The following GPSM2 variants were observed in gnomAD, a reference collection of about 807,000 sequenced individuals.
GPSM2 encodes the protein G protein-signaling modulator 2.
Under a neutral mutation model 78.4 loss-of-function variants are expected in GPSM2, and 58 were observed. The observed-to-expected ratio is 0.74, with a 90% CI of 0.60 to 0.92. The LOEUF is 0.92. Ranked by LOEUF, GPSM2 falls within the 40% of genes least tolerant of loss-of-function variation. GPSM2 has a pLI of 0.00. For synonymous variants in GPSM2, 224 were observed against 280.2 expected (o/e 0.80, Z 2.00); for missense variants, 700 against 815.5 (o/e 0.86, Z 1.73).
In GPSM2 at chr1:108,924,200, C is replaced by T; in HGVS notation, c.1801C>T (p.Leu601Phe). 2 of 1,606,916 alleles carry T rather than the reference C, an allele frequency of 1.2e-6. No individual in the cohort carries two copies. The highest frequency in any genetic ancestry group is 8.5e-7 in the Non-Finnish European group (1 of 1,173,520). Reference protein sequence around the residue: ...KEADEDFFDILVKCQGSRLDD... With the variant: ...KEADEDFFDIFVKCQGSRLDD... ...GGCTGATGAAGATTTCTTTGACATC[C>T]TTGTAAAATGTCAAGTATGTCTGTA... is the stretch of plus-strand genomic sequence containing the variant. Residue 601 changes from leucine (L) to phenylalanine (F), a missense_variant, in exon 14 of 15, where the codon CTT becomes TTT. Transcript: ENST00000264126.
chr1:108,913,486 G>A (rs1207483642), intron 10 of GPSM2, among the ~76,000 whole-genome samples: 1 of 152,052 alleles, frequency 6.6e-6, no homozygotes, highest in East Asian at 1.9e-4. Context: ...ACAAACATAA[G>A]GTTTCTCAAA....
chr1:108,893,779 G>A (rs1464196000), intron 2 of GPSM2, among the ~76,000 whole-genome samples: 4 of 152,148 alleles, frequency 2.6e-5, no homozygotes, highest in South Asian at 2.1e-4. Flanking sequence ...TTTTGACTGG[G>A]CACAGTGGCT....
intron 1 of GPSM2, among the ~76,000 whole-genome samples, chr1:108,883,186 T>G (rs1325901816): frequency 6.6e-6 from 1 of 152,254 alleles, no homozygotes; most frequent in African/African-American, 2.4e-5. Flanking sequence ...TGTGAAAACC[T>G]CATTTCCTCT....
At chr1:108,915,918 A>G (rs1650181730) in intron 11 of GPSM2, among the ~76,000 whole-genome samples, 1 of 152,002 alleles carries the variant, frequency 6.6e-6, no homozygotes, top group Non-Finnish European at 1.5e-5. Context: ...TATTATAGAC[A>G]CTATTTTCTA....
At chr1:108,893,652 C>A (rs1364824377) in intron 2 of GPSM2, among the ~76,000 whole-genome samples, 4 of 152,192 alleles carry the variant, frequency 2.6e-5, no homozygotes, top group East Asian at 3.9e-4. Flanking sequence ...ATAAAAATAT[C>A]TTTTCCATTT....
chr1:108,913,955 G>A (rs765640755), intron 10 of GPSM2, among the ~76,000 whole-genome samples: 26 of 152,118 alleles, frequency 1.7e-4, no homozygotes, highest in Non-Finnish European at 3.2e-4. Flanking sequence ...TTCTTTTCAC[G>A]CAATTGAAGG....
chr1:108,914,730 C>A (rs894610015), intron 11 of GPSM2, among the ~76,000 whole-genome samples: 3 of 152,150 alleles, frequency 2.0e-5, no homozygotes, highest in Admixed American at 2.0e-4. Context: ...ACTTTATATA[C>A]CAGTTTGAAC....
At chr1:108,909,198 TG>T (rs1649510820) in intron 10 of GPSM2, among the ~76,000 whole-genome samples, 1 of 152,170 alleles carries the variant, frequency 6.6e-6, no homozygotes, top group Admixed American at 6.5e-5. Flanking sequence ...GTTGTATGTT[TG>T]TGTATGTTCT....
At chr1:108,890,725 C>G (rs572351170) in intron 2 of GPSM2, among the ~76,000 whole-genome samples, 1 of 152,138 alleles carries the variant, frequency 6.6e-6, no homozygotes, top group African/African-American at 2.4e-5. Context: ...CTCCTCTATC[C>G]CTGGAGGAGT....
intron 10 of GPSM2, among the ~76,000 whole-genome samples, chr1:108,908,189 G>T (rs1282079944): frequency 6.6e-6 from 1 of 152,010 alleles, no homozygotes; most frequent in Non-Finnish European, 1.5e-5. Context: ...GGCTAACGTG[G>T]TGAAACCCCG....
chr1:108,886,524 G>A (rs1054450199), intron 2 of GPSM2, among the ~76,000 whole-genome samples: 1 of 152,234 alleles, frequency 6.6e-6, no homozygotes, highest in African/African-American at 2.4e-5. Flanking sequence ...AGGACTTACA[G>A]TGTTCCCTTG....
chr1:108,909,508 A>G (rs945161530), intron 10 of GPSM2: 2 of 152,246 alleles, frequency 1.3e-5, no homozygotes, highest in Non-Finnish European at 1.5e-5. Flanking sequence ...AAGAAATCTT[A>G]AAGTTAGAAA....
intron 5 of GPSM2, among the ~76,000 whole-genome samples, chr1:108,898,304 C>T (rs1038094545): frequency 4.6e-5 from 7 of 152,168 alleles, no homozygotes; most frequent in African/African-American, 1.7e-4. Context: ...AGACCAGTGC[C>T]ACTTAGTGGC....
At position 108,933,627 on chromosome 1, in the gene GPSM2, A is replaced by G. The variant is rs895248734; in HGVS notation, c.*3687A>G. 6.6e-6 allele frequency: 1 copy of G among 152,266 alleles called. No individual in the cohort carries two copies. The highest frequency in any genetic ancestry group is 2.4e-5 in the African/African-American group (1 of 41,478). 9.4% of individuals were successfully genotyped at this position (152,266 alleles called of 1,614,324 possible). ...GTTGAACATAACTTGTAGTGTGAAT[A>G]TGGTTAAAACAAAGGACACCTGATG... is the stretch of plus-strand genomic sequence containing the variant. On this transcript the variant is annotated 3_prime_UTR_variant, in exon 15 of 15. Transcript: ENST00000264126.
Position 108,924,093 on chromosome 1 carries a change from G to A in GPSM2, c.1694G>A (p.Ser565Asn), listed in dbSNP as rs199536935. 37 of 1,613,406 alleles carry A rather than the reference G, an allele frequency of 2.3e-5. No homozygotes were observed. The highest frequency in any genetic ancestry group is 5.0e-5 in the Admixed American group (3 of 59,994). ...QSRRLDDQRASFSNLPGLRLT... is the reference protein window; with the variant it reads ...QSRRLDDQRANFSNLPGLRLT... ...CGCCGTCTGGATGACCAGAGGGCTA[G>A]TTTCAGTAATTTGCCAGGGCTTCGT... Residue 565 changes from serine (S) to asparagine (N), a missense_variant, in exon 14 of 15, where the codon AGT becomes AAT. Ser to Asn is a conservative substitution (Grantham distance 46). Coordinates refer to ENST00000264126, the MANE Select transcript of GPSM2 (RefSeq NM_013296.5).
chr1:108,921,240 C>T (rs338474), intron 12 of GPSM2, among the ~76,000 whole-genome samples: 54,357 of 151,902 alleles, frequency 0.36, 11,343 homozygotes, highest in African/African-American at 0.57. Context: ...GCCAACACGG[C>T]GAAACCCTGA....
chr1:108,934,517 C>G lies in GPSM2; in HGVS notation c.*4577C>G. ...TAACGTGTTTGTTAATTCTAATTGT[C>G]AGTAAAAATGTGAATGTTGAAGTTG... On this transcript the variant is annotated 3_prime_UTR_variant, in exon 15 of 15. Transcript: ENST00000264126. The G allele has an allele frequency of 1.2e-6, 1 of 805,318 alleles. No individual in the cohort carries two copies. Among genetic ancestry groups the G allele is most frequent in the Non-Finnish European group, 1.9e-6 (1 of 528,486 alleles). The allele number at this position is 805,318 out of a possible 1,614,324, so 49.9% of individuals were successfully genotyped here.
intron 1 of GPSM2, among the ~76,000 whole-genome samples, chr1:108,878,899 C>T (rs1665757530): frequency 6.6e-6 from 1 of 152,124 alleles, no homozygotes; most frequent in Non-Finnish European, 1.5e-5. Flanking sequence ...ACTAATAAGT[C>T]ACTGTGCCGA....
At chr1:108,920,922 T>C (rs1270422519) in intron 12 of GPSM2, among the ~76,000 whole-genome samples, 1 of 152,212 alleles carries the variant, frequency 6.6e-6, no homozygotes, top group East Asian at 1.9e-4. Flanking sequence ...AGTCTTTTGT[T>C]GGTAATTAAC....
Sources: gnomAD v4.1 joint callset for allele counts (sites outside exome capture counted in the v4.1 genomes callset) on GRCh38, gnomAD v4.1.1 for gene constraint, MANE v1.5 for transcripts, NCBI Gene and HGNC (gene_info 2026-07-23, HGNC 2026-07-21) for gene names.